Variants in CELF6 observed in about 807,000 individuals in gnomAD.
The protein encoded by CELF6 is CUGBP Elav-like family member 6.
Under a neutral mutation model 53.1 loss-of-function variants are expected in CELF6, and 32 were observed. That is an observed-to-expected ratio of 0.60 (90% confidence interval 0.46 to 0.81). The LOEUF (loss-of-function observed/expected upper bound fraction) is 0.81. CELF6 is among the 30% of genes least tolerant of loss of function. The pLI is 0.00. For synonymous variants in CELF6, 291 were observed against 288.8 expected, an observed-to-expected ratio of 1.01 and a Z score of -0.08; for missense variants, 539 against 669.5, an observed-to-expected ratio of 0.81 and a Z score of 2.15.
chr15:72,296,014 A>G (rs2141190906), intron 3 of CELF6, among the ~76,000 whole-genome samples: 1 of 152,346 alleles, frequency 6.6e-6, no homozygotes, highest in South Asian at 2.1e-4. Flanking sequence ...GCACTATGGT[A>G]CTGGCATAAA....
At position 72,289,273 on chromosome 15, in the gene CELF6, G is replaced by C. The variant is rs2087967393; in HGVS notation, c.895C>G (p.Pro299Ala). 6.3e-7 allele frequency: 1 copy of C among 1,576,574 alleles called. No homozygotes were observed. Among genetic ancestry groups the C allele is most frequent in the Non-Finnish European group, 8.6e-7 (1 of 1,166,010 alleles). The part of the protein sequence containing the change: ...LLPAAAANSP[P>A]GSGPGTLPGL... Reference sequence around the variant, plus strand: ...GGGAGGGTGCCAGGGCCGCTGCCAGGCGGGGAGTTGGCTGCTGATGGCGGA... The same window carrying C: ...GGGAGGGTGCCAGGGCCGCTGCCAGCCGGGGAGTTGGCTGCTGATGGCGGA... Residue 299 changes from proline to alanine, a missense_variant, in exon 8 of 13, where the codon CCT becomes GCT. Around this residue, in one of 3 missense-constraint regions of CELF6, gnomAD observed 358 missense variants for 412.8 expected, o/e 0.87. Coordinates refer to ENST00000287202, the MANE Select transcript of CELF6 (RefSeq NM_052840.5). This position sits in a 1 kb window ranked among gnomAD's most constrained non-coding sequence, Gnocchi z 7.6.
intron 3 of CELF6, among the ~76,000 whole-genome samples, chr15:72,290,840 T>A (rs2087996318): frequency 2.6e-5 from 4 of 152,164 alleles, no homozygotes. Context: ...ACTGGCATGA[T>A]GAATCCTTAC....
rs1051053398 is a variant in CELF6 at position 72,319,990 on chromosome 15, G to A, written c.-116C>T. On this transcript the variant is annotated 5_prime_UTR_variant, in exon 1 of 13. Transcript: ENST00000287202. The surrounding 1 kb of genome is among the most constrained non-coding windows in gnomAD (Gnocchi z 5.0). ...GGGGCGGAGCCCGGGCGGAGAGGGC[G>A]GGGGGCTGCCCAGGGGGCGGGGTCC... 1 of 1,237,980 alleles carries A rather than the reference G, an allele frequency of 8.1e-7. No homozygotes were observed. The highest frequency in any genetic ancestry group is 1.1e-6 in the Non-Finnish European group (1 of 935,164). 76.7% of individuals were successfully genotyped at this position (1,237,980 alleles called of 1,614,324 possible).
chr15:72,303,848 G>GTTTTGT (rs147535142), intron 3 of CELF6, among the ~76,000 whole-genome samples: 182 of 152,066 alleles, frequency 1.2e-3, no homozygotes, highest in African/African-American at 3.8e-3. Flanking sequence ...GTCCTATGTG[G>GTTTTGT]TTTTGTTTTT....
chr15:72,313,636 C>T (rs1166999981), intron 2 of CELF6: 1 of 345,996 alleles, frequency 2.9e-6, no homozygotes, highest in Non-Finnish European at 4.1e-6. Flanking sequence ...GGGCCTCCCC[C>T]ACAGTGCCAG....
At chr15:72,293,309 T>C (rs1302915636) in intron 3 of CELF6, among the ~76,000 whole-genome samples, 2 of 152,176 alleles carry the variant, frequency 1.3e-5, no homozygotes, top group African/African-American at 4.8e-5. Flanking sequence ...GAGAAGTACA[T>C]GCTGGACCCC....
At position 72,319,051 on chromosome 15, in the gene CELF6, C is replaced by A. The variant is rs1336023102; in HGVS notation, c.262+562G>T. Among the ~76,000 whole-genome samples the A allele has an allele frequency of 6.6e-6, 1 of 151,948 alleles. No homozygotes were observed. The highest frequency in any genetic ancestry group is 1.9e-4 in the East Asian group (1 of 5,188). On this transcript the variant is annotated intron_variant, in intron 1 of 12. Transcript: ENST00000287202. The surrounding 1 kb of genome is among the most constrained non-coding windows in gnomAD (Gnocchi z 5.0). ...GAATTGGATTTTGTGTTAGACAGGT[C>A]TGGGTTCTGAAGAAGGGGAGGGTTT...
At chr15:72,306,190 A>G (rs2088228162) in intron 2 of CELF6, 3 of 979,344 alleles carry the variant, frequency 3.1e-6, no homozygotes, top group Admixed American at 1.2e-4. Flanking sequence ...GGGGACGCAA[A>G]AGGTCTTTGT....
chr15:72,286,355 A>AT lies in CELF6; in HGVS notation c.*29-14dup, dbSNP rs1314559299. On this transcript the variant is annotated splice_polypyrimidine_tract_variant and intron_variant, in intron 12 of 12. Transcript: ENST00000287202. ...CACTCTTCTGTTTCTGTTGTTGTGTATTAATTGATAAGGAGAGATAGGGGG... is the reference window on the plus strand; with the variant it reads ...CACTCTTCTGTTTCTGTTGTTGTGTATTTAATTGATAAGGAGAGATAGGGGG... 6.6e-6 allele frequency: 1 copy of AT among 152,648 alleles called. No individual in the cohort carries two copies. Among genetic ancestry groups the AT allele is most frequent in the Admixed American group, 6.5e-5 (1 of 15,280 alleles). The allele number at this position is 152,648 out of a possible 1,614,324, so 9.5% of individuals were successfully genotyped here.
intron 3 of CELF6, among the ~76,000 whole-genome samples, chr15:72,296,895 C>T (rs1322283189): frequency 6.6e-6 from 1 of 152,084 alleles, no homozygotes; most frequent in African/African-American, 2.4e-5. Flanking sequence ...TATGGCAGTT[C>T]TTCAAAAAAT....
intron 11 of CELF6, among the ~76,000 whole-genome samples, chr15:72,287,838 C>CT (rs546834252): frequency 0.17 from 23,810 of 141,984 alleles, 4,729 homozygotes; most frequent in African/African-American, 0.47. Context: ...AAAGCTCGTT[C>CT]TTTTTTTTTT....
In CELF6 at chr15:72,289,460, G is replaced by A; in HGVS notation, c.795C>T (p.Gly265=). 1 of 1,537,792 alleles carries A rather than the reference G, an allele frequency of 6.5e-7. No individual in the cohort carries two copies. Among genetic ancestry groups the A allele is most frequent in the South Asian group, 1.2e-5 (1 of 84,276 alleles). The change falls in exon 7 of 13, where the codon GGC becomes GGT. Residue 265 remains glycine (G), a synonymous_variant. Transcript: ENST00000287202. The surrounding 1 kb of genome is among the most constrained non-coding windows in gnomAD (Gnocchi z 7.6). ...CCGCCACTGCCGCCACCGGGCCTAGGCCTGGGCCCTGTGCCGCCGCCAGCA... is the reference window on the plus strand; with the variant it reads ...CCGCCACTGCCGCCACCGGGCCTAGACCTGGGCCCTGTGCCGCCGCCAGCA... The part of the protein sequence containing the change: ...AALLAAAQGP[G]LGPVAAVAAQ...
chr15:72,292,666 GCC>G (rs2088020980), intron 3 of CELF6, among the ~76,000 whole-genome samples: 1 of 152,218 alleles, frequency 6.6e-6, no homozygotes, highest in Non-Finnish European at 1.5e-5. Context: ...CATCTGCTCT[GCC>G]TCTTGTTGCT....
At chr15:72,297,671 T>G (rs1304242174) in intron 3 of CELF6, among the ~76,000 whole-genome samples, 1 of 152,232 alleles carries the variant, frequency 6.6e-6, no homozygotes, top group East Asian at 1.9e-4. Context: ...ATGATTCCAC[T>G]TACATAAGGT....
intron 2 of CELF6, 95 bp downstream of exon 2, chr15:72,315,750 G>C (rs1051366703): frequency 4.0e-6 from 3 of 747,578 alleles, no homozygotes; most frequent in African/African-American, 3.6e-5. Flanking sequence ...TCTAGTTCTC[G>C]GTCCCAACCC....
In CELF6 at chr15:72,319,667, C is replaced by T; in HGVS notation, c.208G>A (p.Gly70Ser). The change falls in exon 1 of 13, where the codon GGC (glycine) becomes AGC (serine). Residue 70 changes from glycine to serine, a missense_variant. By Grantham distance (56) the Gly-to-Ser change is moderately conservative. Coordinates refer to ENST00000287202, the MANE Select transcript of CELF6 (RefSeq NM_052840.5). This position sits in a 1 kb window ranked among gnomAD's most constrained non-coding sequence, Gnocchi z 5.0. Reference sequence around the variant, plus strand: ...AGCACCGTCAGCTCGTAGATGCGGCCGAACTCCTCGAACAGCGGCTTGAGG... The same window carrying T: ...AGCACCGTCAGCTCGTAGATGCGGCTGAACTCCTCGAACAGCGGCTTGAGG... ...QDLKPLFEEF[G>S]RIYELTVLKD... is the part of the protein sequence containing the mutation. 6.3e-7 allele frequency: 1 copy of T among 1,583,416 alleles called. No homozygotes were observed.
At chr15:72,301,838 G>A (rs540135913) in intron 3 of CELF6, among the ~76,000 whole-genome samples, 2 of 148,324 alleles carry the variant, frequency 1.3e-5, no homozygotes, top group East Asian at 2.0e-4. Context: ...CTGGGTTCAC[G>A]CCGTTCTCCC....
chr15:72,294,364 T>C (rs1388113747), intron 3 of CELF6, among the ~76,000 whole-genome samples: 1 of 152,128 alleles, frequency 6.6e-6, no homozygotes, highest in African/African-American at 2.4e-5. Flanking sequence ...AAAATACTGG[T>C]CCATTTTTCA....
Position 72,289,478 on chromosome 15 carries a change from C to T in CELF6, c.777G>A (p.Ala259=). 6.5e-7 allele frequency: 1 copy of T among 1,530,108 alleles called. No individual in the cohort carries two copies. The highest frequency in any genetic ancestry group is 2.0e-5 in the Admixed American group (1 of 50,202). The allele number at this position is 1,530,108 out of a possible 1,614,324, so 94.8% of individuals were successfully genotyped here. The part of the protein sequence containing the change: ...AILQHQAALL[A]AAQGPGLGPV... Reference sequence around the variant, plus strand: ...GGCCTAGGCCTGGGCCCTGTGCCGCCGCCAGCAGGGCCGCCTGGTGCTGCA... The same window carrying T: ...GGCCTAGGCCTGGGCCCTGTGCCGCTGCCAGCAGGGCCGCCTGGTGCTGCA... The change falls in exon 7 of 13, where the codon GCG becomes GCA. Residue 259 remains alanine (A), a synonymous_variant. Transcript: ENST00000287202. This position sits in a 1 kb window ranked among gnomAD's most constrained non-coding sequence, Gnocchi z 7.6.
Sources: allele counts gnomAD v4.1 joint callset (sites outside exome capture counted in the v4.1 genomes callset), GRCh38; gene constraint gnomAD v4.1.1; regional missense constraint gnomAD v4.1.1; non-coding constraint Gnocchi (gnomAD v3.1); transcripts MANE v1.5; gene names NCBI Gene and HGNC (gene_info 2026-07-23, HGNC 2026-07-21).